Variants in NELL2 observed in about 807,000 individuals in gnomAD.
The protein encoded by NELL2 is neural EGFL like 2.
Under a neutral mutation model 109.6 loss-of-function variants are expected in NELL2, and 41 were observed. That is an observed-to-expected ratio of 0.37 (90% CI 0.29 to 0.49). The LOEUF (loss-of-function observed/expected upper bound fraction) is 0.49. NELL2 is among the 20% of genes least tolerant of loss of function. The pLI, the probability that NELL2 is intolerant of heterozygous loss-of-function variation, is 0.98. For synonymous variants in NELL2, 355 were observed against 344.7 expected (o/e 1.03, Z -0.33); for missense variants, 900 against 1,008.3 (o/e 0.89, Z 1.45).
At chr12:44,709,671 C>A (rs958348816) in intron 11 of NELL2, among the ~76,000 whole-genome samples, 1 of 152,154 alleles carries the variant, frequency 6.6e-6, no homozygotes, top group African/African-American at 2.4e-5. Context: ...ATTAGCATCA[C>A]CTAGGAGCTT....
At chr12:44,784,489 C>T (rs1038951337) in intron 3 of NELL2, among the ~76,000 whole-genome samples, 3 of 151,988 alleles carry the variant, frequency 2.0e-5, no homozygotes, top group African/African-American at 7.3e-5. Flanking sequence ...GAAACTGTTC[C>T]AAACAAAAGG....
At chr12:44,857,283 C>G (rs1312064621) in intron 2 of NELL2, among the ~76,000 whole-genome samples, 1 of 152,082 alleles carries the variant, frequency 6.6e-6, no homozygotes, top group Non-Finnish European at 1.5e-5. Context: ...CATTAAAAGA[C>G]AGTAAATCAT....
intron 12 of NELL2, 123 bp from the exon 13 acceptor site, chr12:44,665,732 T>C (rs1199463042): frequency 1.4e-5 from 15 of 1,104,848 alleles, no homozygotes; most frequent in Non-Finnish European, 5.0e-6. Context: ...AAAGCATTCA[T>C]GATATCTCCT....
intron 13 of NELL2, among the ~76,000 whole-genome samples, chr12:44,653,497 T>G (rs1024439503): frequency 2.5e-4 from 38 of 152,178 alleles, no homozygotes; most frequent in Admixed American, 6.5e-5. Context: ...TCCTGTCTTC[T>G]GGTTGTTGTT....
chr12:44,687,517 C>CT (rs1347312579), intron 12 of NELL2, among the ~76,000 whole-genome samples: 5 of 152,168 alleles, frequency 3.3e-5, no homozygotes, highest in South Asian at 4.1e-4. Context: ...ATCTCCAAGC[C>CT]TTTTTTTCAG....
chr12:44,600,382 T>C (rs577743509), intron 15 of NELL2, among the ~76,000 whole-genome samples: 1 of 151,940 alleles, frequency 6.6e-6, no homozygotes, highest in African/African-American at 2.4e-5. Flanking sequence ...AAATATATCC[T>C]TCAAGAAGAA....
At chr12:44,659,672 T>A (rs1408960571) in intron 13 of NELL2, among the ~76,000 whole-genome samples, 1 of 152,078 alleles carries the variant, frequency 6.6e-6, no homozygotes, top group Non-Finnish European at 1.5e-5. Flanking sequence ...GAAAAAGAAT[T>A]GACCACAAAA....
At chr12:44,681,847 C>T (rs7294532) in intron 12 of NELL2, among the ~76,000 whole-genome samples, 7,680 of 149,884 alleles carry the variant, frequency 0.051, 690 homozygotes, top group African/African-American at 0.18. Context: ...TTCCAAGTCT[C>T]TGCTATTGTG....
chr12:44,675,751 G>A (rs567343409), intron 12 of NELL2, among the ~76,000 whole-genome samples: 1 of 152,068 alleles, frequency 6.6e-6, no homozygotes, highest in South Asian at 2.1e-4. Flanking sequence ...ATGTAAAATG[G>A]GAAAGGTTTT....
chr12:44,818,123 T>G (rs1943414328), intron 2 of NELL2, among the ~76,000 whole-genome samples: 1 of 152,208 alleles, frequency 6.6e-6, no homozygotes, highest in Non-Finnish European at 1.5e-5. Flanking sequence ...CTCTCCAGGC[T>G]CTATTACAGA....
intron 12 of NELL2, among the ~76,000 whole-genome samples, chr12:44,678,375 T>G (rs548677070): frequency 1.3e-5 from 2 of 151,908 alleles, no homozygotes; most frequent in Non-Finnish European, 2.9e-5. Context: ...ACCTTGCAGG[T>G]TGCAAAATTT....
chr12:44,575,491 A>C (rs1944039626), intron 15 of NELL2, among the ~76,000 whole-genome samples: 1 of 152,230 alleles, frequency 6.6e-6, no homozygotes, highest in South Asian at 2.1e-4. Flanking sequence ...ATGGAGCCAA[A>C]ATAATTTATA....
At chr12:44,595,307 GA>G (rs1327831033) in intron 15 of NELL2, among the ~76,000 whole-genome samples, 1 of 152,154 alleles carries the variant, frequency 6.6e-6, no homozygotes, top group Non-Finnish European at 1.5e-5. Context: ...ATCCGTGAGT[GA>G]AAAAGTAATT....
intron 5 of NELL2, 75 bp downstream of exon 5, chr12:44,779,588 A>T: frequency 1.6e-6 from 2 of 1,219,154 alleles, no homozygotes; most frequent in Non-Finnish European, 2.4e-6. Flanking sequence ...TTCACACCAT[A>T]AAAAGTAAAA....
At chr12:44,676,975 T>C (rs144541144) in intron 12 of NELL2, among the ~76,000 whole-genome samples, 21 of 152,168 alleles carry the variant, frequency 1.4e-4, no homozygotes, top group South Asian at 8.3e-4. Context: ...AAGAGACAAC[T>C]AGTAATTTTA....
At chr12:44,791,152 C>CAT in intron 3 of NELL2, among the ~76,000 whole-genome samples, 1 of 86,260 alleles carries the variant, frequency 1.2e-5, no homozygotes, top group African/African-American at 5.6e-5. Flanking sequence ...CACACACATA[C>CAT]ACACACACAC....
intron 13 of NELL2, among the ~76,000 whole-genome samples, chr12:44,639,751 C>A (rs1316724025): frequency 6.6e-6 from 1 of 152,132 alleles, no homozygotes; most frequent in Non-Finnish European, 1.5e-5. Flanking sequence ...ACAGTTCTTA[C>A]AGCAATGTCT....
rs140281753 is a variant in NELL2 at position 44,850,542 on chromosome 12, TAG to T, written c.184+24681_184+24682del. ...TTAATTTTTGAAGATTACAGTCAAT[TAG>T]AGTTTATCTTTCATTTATCAAACAA... is the stretch of plus-strand genomic sequence containing the variant. On this transcript the variant is annotated intron_variant, in intron 2 of 19. Transcript: ENST00000429094. 8.8e-3 allele frequency among the ~76,000 whole-genome samples: 1,348 copies of T among 152,318 alleles called. 14 individuals carry two copies. The highest frequency in any genetic ancestry group is 0.029 in the African/African-American group (1,212 of 41,570).
chr12:44,649,214 C>T (rs1947216892), intron 13 of NELL2, among the ~76,000 whole-genome samples: 1 of 151,752 alleles, frequency 6.6e-6, no homozygotes, highest in East Asian at 1.9e-4. Context: ...CCTTCCCTCC[C>T]TCCCTCCCTC....
Sources: gnomAD v4.1 joint callset for allele counts (sites outside exome capture counted in the v4.1 genomes callset) on GRCh38, gnomAD v4.1.1 for gene constraint, MANE v1.5 for transcripts, NCBI Gene and HGNC (gene_info 2026-07-23, HGNC 2026-07-21) for gene names.